The following NRG1 variants were observed in gnomAD, a reference collection of about 807,000 sequenced individuals.
NRG1 encodes pro-neuregulin-1, membrane-bound isoform.
In NRG1, 18 loss-of-function variants were observed where a neutral mutation model predicts 63.8. The ratio of observed to expected loss-of-function variants is 0.28; its 90% CI spans 0.19 to 0.42. NRG1 has a LOEUF of 0.42. Ranked by LOEUF, NRG1 falls within the 10% of genes least tolerant of loss-of-function variation. The pLI, the probability that NRG1 is intolerant of heterozygous loss-of-function variation, is 1.00. For missense variants in NRG1, 762 were observed against 814.7 expected (o/e 0.94, Z 0.79); for synonymous variants, 302 against 301.3 (o/e 1.00, Z -0.02).
chr8:32,756,346 T>A, intron 8 of NRG1, 57 bp from the exon 9 acceptor site: 1 of 1,579,608 alleles, frequency 6.3e-7, no homozygotes, highest in East Asian at 2.2e-5. Context: ...AAGACTTGGC[T>A]CTACTATGAA....
rs1805026490 is a variant in NRG1 at position 31,652,985 on chromosome 8, CTCTCCTCT to C, written c.37+13555_37+13562del. ...CTCTCCTCTCCTCTCCTCTCCTCTC[CTCTCCTCT>C]CCTCTCCTCTCCTCCCCTCCCCTCC... On this transcript the variant is annotated intron_variant, in intron 1 of 10. Coordinates refer to the NRG1 transcript ENST00000519301. Among the ~76,000 whole-genome samples, 40 of 78,958 alleles carry C rather than the reference CTCTCCTCT, an allele frequency of 5.1e-4. 3 individuals are homozygous for C. In the East Asian group the frequency reaches 5.5e-3, roughly 11 times the overall value. The allele number at this position is 78,958 out of a possible 152,430, so 51.8% of individuals were successfully genotyped here.
intron 1 of NRG1, among the ~76,000 whole-genome samples, chr8:32,231,743 T>C (rs910812663): frequency 3.3e-5 from 5 of 151,722 alleles, no homozygotes; most frequent in African/African-American, 1.2e-4. Context: ...CTACTAAAAA[T>C]ACAAGCAAAT....
intron 5 of NRG1, among the ~76,000 whole-genome samples, chr8:32,622,016 C>T (rs1848424926): frequency 6.6e-6 from 1 of 152,142 alleles, no homozygotes; most frequent in Non-Finnish European, 1.5e-5. Flanking sequence ...GCCAGTTGTA[C>T]CCAAGTGATC....
chr8:32,007,841 A>G (rs1285813323), intron 1 of NRG1, among the ~76,000 whole-genome samples: 3 of 152,068 alleles, frequency 2.0e-5, no homozygotes, highest in Admixed American at 2.0e-4. Context: ...GAGCCATTTT[A>G]AAATTGGCTA....
intron 1 of NRG1, among the ~76,000 whole-genome samples, chr8:31,716,834 C>T (rs577321869): frequency 1.1e-4 from 17 of 152,228 alleles, no homozygotes; most frequent in East Asian, 5.8e-4. Context: ...GATCATAACT[C>T]GCATTAAATT....
At chr8:31,884,394 C>A (rs1337945322) in intron 1 of NRG1, among the ~76,000 whole-genome samples, 1 of 152,060 alleles carries the variant, frequency 6.6e-6, no homozygotes, top group Admixed American at 6.6e-5. Context: ...TTTTTGATCT[C>A]TGATCGCCAA....
At chr8:32,665,892 G>T (rs1804017583) in intron 5 of NRG1, among the ~76,000 whole-genome samples, 1 of 152,170 alleles carries the variant, frequency 6.6e-6, no homozygotes, top group Admixed American at 6.6e-5. Context: ...TTAAAACAAT[G>T]TATGAAAAGA....
intron 1 of NRG1, among the ~76,000 whole-genome samples, chr8:32,557,508 T>C (rs1014182774): frequency 1.3e-5 from 2 of 152,232 alleles, no homozygotes; most frequent in African/African-American, 4.8e-5. Flanking sequence ...GGGTCTGTCT[T>C]GAAGCCCATG....
chr8:31,873,130 A>G (rs1424304570), intron 1 of NRG1, among the ~76,000 whole-genome samples: 6 of 152,230 alleles, frequency 3.9e-5, no homozygotes, highest in South Asian at 4.1e-4. Flanking sequence ...CACTGTAAAT[A>G]TTTAGATTAG....
At chr8:32,647,876 C>T (rs184949901) in intron 5 of NRG1, 49 of 1,614,092 alleles carry the variant, frequency 3.0e-5, no homozygotes, top group Non-Finnish European at 3.8e-5. Flanking sequence ...GACTCGTGGG[C>T]CTGGCCGTGC....
At position 31,869,954 on chromosome 8, in the gene NRG1, C is replaced by T. The variant is rs1282446758; in HGVS notation, c.37+230523C>T. Among the ~76,000 whole-genome samples, 6 of 152,006 alleles carry T rather than the reference C, an allele frequency of 3.9e-5. No homozygotes were observed. In the East Asian group the frequency reaches 1.2e-3, roughly 29 times the overall value. On this transcript the variant is annotated intron_variant, in intron 1 of 10. Transcript: ENST00000519301. ...AATTTCCAGACATTTCTAAAAGCAGCAATACAATCAAGAAAACAAAACAAT... is the reference window on the plus strand; with the variant it reads ...AATTTCCAGACATTTCTAAAAGCAGTAATACAATCAAGAAAACAAAACAAT...
At chr8:31,674,351 C>T (rs1052097894) in intron 1 of NRG1, among the ~76,000 whole-genome samples, 1 of 152,064 alleles carries the variant, frequency 6.6e-6, no homozygotes, top group Non-Finnish European at 1.5e-5. Context: ...CAGTTCTACC[C>T]GCAACGTATA....
At chr8:31,818,970 C>A (rs1364079033) in intron 1 of NRG1, among the ~76,000 whole-genome samples, 6 of 152,200 alleles carry the variant, frequency 3.9e-5, no homozygotes, top group African/African-American at 1.4e-4. Context: ...GAGAGAATCA[C>A]TTGAACTCGG....
At chr8:31,691,690 G>C (rs1432593342) in intron 1 of NRG1, among the ~76,000 whole-genome samples, 1 of 147,014 alleles carries the variant, frequency 6.8e-6, no homozygotes, top group Non-Finnish European at 1.5e-5. Flanking sequence ...ATAAGTTAAA[G>C]TGTTTTTTTC....
At position 31,856,558 on chromosome 8, in the gene NRG1, A is replaced by T. The variant is rs182442913; in HGVS notation, c.37+217127A>T. Among the ~76,000 whole-genome samples, 16 of 152,302 alleles carry T rather than the reference A, an allele frequency of 1.1e-4. No homozygotes were observed. The East Asian group carries it at 2.7e-3, about 26-fold the overall frequency. ...TTCAACTTCTTTGCCTTTGATTTGAATGTCCTCCCGTAGCTCGGAGTAATT... is the reference window on the plus strand; with the variant it reads ...TTCAACTTCTTTGCCTTTGATTTGATTGTCCTCCCGTAGCTCGGAGTAATT... On this transcript the variant is annotated intron_variant, in intron 1 of 10. Coordinates refer to the NRG1 transcript ENST00000519301.
At chr8:31,708,177 G>A (rs1359776316) in intron 1 of NRG1, among the ~76,000 whole-genome samples, 1 of 152,134 alleles carries the variant, frequency 6.6e-6, no homozygotes, top group African/African-American at 2.4e-5. Context: ...ATCACCTAGT[G>A]ATTCATGTGT....
At chr8:32,111,774 G>A (rs1230874424) in intron 1 of NRG1, among the ~76,000 whole-genome samples, 1 of 152,078 alleles carries the variant, frequency 6.6e-6, no homozygotes, top group Admixed American at 6.6e-5. Flanking sequence ...CGAATCCCAG[G>A]AAAAGAACAG....
At chr8:32,350,190 G>C (rs1443683534) in intron 1 of NRG1, among the ~76,000 whole-genome samples, 1 of 152,168 alleles carries the variant, frequency 6.6e-6, no homozygotes, top group Non-Finnish European at 1.5e-5. Context: ...GACATGGAAA[G>C]TAAACACTGC....
At chr8:32,345,193 G>A (rs1312389999) in intron 1 of NRG1, among the ~76,000 whole-genome samples, 2 of 152,098 alleles carry the variant, frequency 1.3e-5, no homozygotes, top group African/African-American at 4.8e-5. Context: ...TTTAGTTCTG[G>A]GTGTAAATGT....
Sources: gnomAD v4.1 joint callset for allele counts (sites outside exome capture counted in the v4.1 genomes callset) on GRCh38, gnomAD v4.1.1 for gene constraint, MANE v1.5 for transcripts, NCBI Gene and HGNC (gene_info 2026-07-23, HGNC 2026-07-21) for gene names.